Variants in KLHL3 observed in about 807,000 individuals in gnomAD.
KLHL3 encodes kelch like family member 3, also known as kelch-like protein 3.
KLHL3 carries 19 observed loss-of-function variants against 70.5 expected under a neutral mutation model. The observed-to-expected ratio is 0.27, with a 90% CI of 0.19 to 0.40. The LOEUF is 0.40. Ranked by LOEUF, KLHL3 falls within the 10% of genes least tolerant of loss-of-function variation. KLHL3 has a pLI of 1.00. For missense variants in KLHL3, 512 were observed against 771.1 expected (o/e 0.66, Z 3.98); for synonymous variants, 258 against 290.3 (o/e 0.89, Z 1.13).
intron 6 of KLHL3, chr5:137,672,024 C>T (rs766393807): frequency 1.3e-5 from 2 of 152,090 alleles, no homozygotes; most frequent in African/African-American, 2.4e-5. Context: ...TTTGGGGGCA[C>T]GGTGCTGTCA....
At position 137,639,839 on chromosome 5, in the gene KLHL3, C is replaced by T; in HGVS notation, c.1021+21G>A. The T allele has an allele frequency of 6.3e-7, 1 of 1,589,442 alleles. No homozygotes were observed. Among genetic ancestry groups the T allele is most frequent in the Non-Finnish European group, 8.6e-7 (1 of 1,157,566 alleles). On this transcript the variant is annotated intron_variant, in intron 9 of 14. Transcript: ENST00000309755. The surrounding 1 kb of genome is among the most constrained non-coding windows in gnomAD (Gnocchi z 5.0). ...GGACCAGCAGGGGAAAAACAGCTTG[C>T]AGAACTGGGAGGCTGCTCACCTGCT... is the stretch of plus-strand genomic sequence containing the variant.
Position 137,620,884 on chromosome 5 carries a change from A to C in KLHL3, c.*1214T>G, listed in dbSNP as rs1373056649. 6.6e-6 allele frequency: 1 copy of C among 152,264 alleles called. No homozygotes were observed. The highest frequency in any genetic ancestry group is 2.4e-5 in the African/African-American group (1 of 41,464). 9.4% of individuals were successfully genotyped at this position (152,264 alleles called of 1,614,324 possible). A position where few individuals can be genotyped will look rare whatever the true frequency, so the allele number is the denominator to read the frequency against. ...CCCTGGAATAGGGGGAAAGCACAAG[A>C]AAAAGAAGACAAGGACATTAGACAG... On this transcript the variant is annotated 3_prime_UTR_variant, in exon 15 of 15. Transcript: ENST00000309755.
intron 1 of KLHL3, among the ~76,000 whole-genome samples, chr5:137,728,023 C>T (rs534047766): frequency 3.9e-5 from 6 of 152,052 alleles, no homozygotes; most frequent in Non-Finnish European, 8.8e-5. Flanking sequence ...TATTTCTACA[C>T]CAAGACACAA....
chr5:137,704,910 C>T (rs1752655994), intron 3 of KLHL3, among the ~76,000 whole-genome samples: 1 of 152,208 alleles, frequency 6.6e-6, no homozygotes, highest in South Asian at 2.1e-4. Flanking sequence ...CCCTATGTCA[C>T]TGTCACTTAG....
Position 137,677,531 on chromosome 5 carries a change from G to A in KLHL3, c.636+14C>T, listed in dbSNP as rs749381247. On this transcript the variant is annotated intron_variant, in intron 6 of 14. Coordinates refer to ENST00000309755, the MANE Select transcript of KLHL3 (RefSeq NM_017415.3). ...CGAGTGAGGTTCCCGTTTCCCCAGT[G>A]AGCCATGTCATACCTTCTCTTCTGA... is the stretch of plus-strand genomic sequence containing the variant. The A allele has an allele frequency of 2.3e-5, 35 of 1,505,194 alleles. No individual in the cohort carries two copies. The East Asian group carries it at 6.4e-4, about 27-fold the overall frequency. 93.2% of individuals were successfully genotyped at this position (1,505,194 alleles called of 1,614,324 possible).
At chr5:137,710,312 A>G (rs959888281) in intron 2 of KLHL3, among the ~76,000 whole-genome samples, 9 of 152,166 alleles carry the variant, frequency 5.9e-5, no homozygotes, top group African/African-American at 2.2e-4. Flanking sequence ...CCCACTGTAT[A>G]TGCAACACCA....
chr5:137,726,450 C>G (rs1753086233), intron 1 of KLHL3, among the ~76,000 whole-genome samples: 1 of 152,128 alleles, frequency 6.6e-6, no homozygotes. Flanking sequence ...CTTCTCTTTC[C>G]CTGTATCATA....
intron 3 of KLHL3, among the ~76,000 whole-genome samples, chr5:137,708,314 G>T (rs369744685): frequency 6.6e-6 from 1 of 152,164 alleles, no homozygotes; most frequent in Non-Finnish European, 1.5e-5. Context: ...AACCAGTCTT[G>T]CCCAGCTGTG....
In KLHL3 at chr5:137,638,315, C is replaced by T. The variant is rs149232234; in HGVS notation, c.1219+638G>A. On this transcript the variant is annotated intron_variant, in intron 10 of 14. Transcript: ENST00000309755. ...CGAAGTAAAAAATACTGCTTTTTAC[C>T]TCCCTGGGGGCCAAAGAATATCATA... Among the ~76,000 whole-genome samples the T allele has an allele frequency of 6.6e-5, 10 of 152,272 alleles. No homozygotes were observed. In the East Asian group the frequency reaches 1.5e-3, roughly 24 times the overall value.
chr5:137,695,085 C>T (rs1752414887), intron 4 of KLHL3, among the ~76,000 whole-genome samples: 1 of 152,184 alleles, frequency 6.6e-6, no homozygotes, highest in African/African-American at 2.4e-5. Context: ...TTCCCCTCTT[C>T]CAAGGAGACA....
At chr5:137,729,247 C>G (rs778132255) in intron 1 of KLHL3, among the ~76,000 whole-genome samples, 10 of 152,202 alleles carry the variant, frequency 6.6e-5, no homozygotes, top group Admixed American at 2.0e-4. Flanking sequence ...GGCAAAACAA[C>G]TGTGAGCCAG....
Position 137,661,955 on chromosome 5 carries a change from T to C in KLHL3, c.713A>G (p.His238Arg), listed in dbSNP as rs1751485811. Reference protein sequence around the residue: ...RLEHMAKLMEHVRLPLLPRDY... With the variant: ...RLEHMAKLMERVRLPLLPRDY... ...CCTAGGTAAGAGAGGAAGTCGGACA[T>C]GTTCCATCAGCTTTGCCATGTGCTC... is the stretch of plus-strand genomic sequence containing the variant. The change falls in exon 7 of 15, where the codon CAT (histidine) becomes CGT (arginine). Residue 238 changes from histidine (H) to arginine (R), a missense_variant. By Grantham distance (29) the His-to-Arg change is conservative. Transcript: ENST00000309755. 6.2e-7 allele frequency: 1 copy of C among 1,613,054 alleles called. No individual in the cohort carries two copies. The highest frequency in any genetic ancestry group is 1.7e-5 in the Admixed American group (1 of 60,016).
chr5:137,654,583 T>C (rs1751293307), intron 8 of KLHL3, among the ~76,000 whole-genome samples: 2 of 152,226 alleles, frequency 1.3e-5, no homozygotes, highest in South Asian at 2.1e-4. Flanking sequence ...CTAATTTAAG[T>C]GCTTAAACAA....
intron 5 of KLHL3, 25 bp from the exon 6 acceptor site, chr5:137,677,679 GT>G: frequency 7.4e-7 from 1 of 1,359,648 alleles, no homozygotes; most frequent in Non-Finnish European, 1.0e-6. Context: ...AAAAAAAGAA[GT>G]TAAGAAAACA....
chr5:137,687,253 G>C (rs1212294249), intron 5 of KLHL3, among the ~76,000 whole-genome samples: 1 of 39,272 alleles, frequency 2.5e-5, no homozygotes, highest in Non-Finnish European at 4.8e-5. Flanking sequence ...AGGCGCGGGG[G>C]GGGGTCGGCC....
chr5:137,692,682 TCCCTG>T (rs1752351954), intron 4 of KLHL3: 1 of 483,952 alleles, frequency 2.1e-6, no homozygotes, highest in African/African-American at 1.9e-5. Context: ...CAGTCTTTAA[TCCCTG>T]GGGATCTTAT....
intron 5 of KLHL3, among the ~76,000 whole-genome samples, chr5:137,681,494 G>A (rs919941312): frequency 6.6e-6 from 1 of 152,160 alleles, no homozygotes; most frequent in African/African-American, 2.4e-5. Flanking sequence ...GTGAAGTCTA[G>A]CTAGAACCTA....
chr5:137,644,066 C>G lies in KLHL3; in HGVS notation c.904-4089G>C, dbSNP rs928227061. ...GTTGTCACAAATGACAGGATTTCAC[C>G]TTTTTATTTATTTAATTTTTTAGAC... On this transcript the variant is annotated intron_variant, in intron 8 of 14. Transcript: ENST00000309755. 5.3e-5 allele frequency among the ~76,000 whole-genome samples: 8 copies of G among 152,036 alleles called. No homozygotes were observed. In the East Asian group the frequency reaches 1.4e-3, roughly 26 times the overall value.
intron 6 of KLHL3, among the ~76,000 whole-genome samples, chr5:137,668,270 C>T (rs143488096): frequency 1.1e-4 from 16 of 152,166 alleles, no homozygotes; most frequent in Non-Finnish European, 1.8e-4. Flanking sequence ...ATTAGCTGGG[C>T]GTGGTGGCGC....
Sources: gnomAD v4.1 joint callset for allele counts (sites outside exome capture counted in the v4.1 genomes callset) on GRCh38, gnomAD v4.1.1 for gene constraint, Gnocchi (gnomAD v3.1) non-coding constraint, MANE v1.5 for transcripts, NCBI Gene and HGNC (gene_info 2026-07-23, HGNC 2026-07-21) for gene names.